CRADD: variants seen among roughly 807,000 people sequenced by gnomAD.
CRADD encodes the protein death domain-containing protein CRADD.
In CRADD, 9 loss-of-function variants were observed where a neutral mutation model predicts 15.5. The observed-to-expected ratio is 0.58, with a 90% confidence interval of 0.35 to 1.01. The LOEUF is 1.01. CRADD is among the 50% of genes least tolerant of loss of function. CRADD has a pLI of 0.02. For missense variants in CRADD, 227 were observed against 250.3 expected, an observed-to-expected ratio of 0.91 and a Z score of 0.63; for synonymous variants, 118 against 107.6, an observed-to-expected ratio of 1.10 and a Z score of -0.60.
intron 2 of CRADD, among the ~76,000 whole-genome samples, chr12:93,822,448 A>G (rs1360337246): frequency 1.3e-5 from 2 of 152,194 alleles, no homozygotes; most frequent in Non-Finnish European, 2.9e-5. Flanking sequence ...TTTGTACCAC[A>G]GTGAATTGTT....
chr12:93,870,063 G>A (rs1565944786), intron 2 of CRADD, among the ~76,000 whole-genome samples: 3 of 152,058 alleles, frequency 2.0e-5, no homozygotes, highest in Admixed American at 1.3e-4. Context: ...CATTTAATAC[G>A]TGGAAATAAA....
intron 2 of CRADD, among the ~76,000 whole-genome samples, chr12:93,788,068 G>C (rs10859584): frequency 1.3e-5 from 2 of 152,034 alleles, no homozygotes; most frequent in African/African-American, 4.8e-5. Flanking sequence ...ATGTGTGTAC[G>C]CTCTGGAGGA....
chr12:93,822,654 C>A (rs149174354), intron 2 of CRADD, among the ~76,000 whole-genome samples: 61 of 152,228 alleles, frequency 4.0e-4, no homozygotes, highest in African/African-American at 1.3e-3. Context: ...ATGCAGTCAC[C>A]TTTTGGGTTT....
intron 2 of CRADD, among the ~76,000 whole-genome samples, chr12:93,734,353 G>T (rs952975765): frequency 2.6e-5 from 4 of 152,062 alleles, no homozygotes; most frequent in African/African-American, 4.8e-5. Flanking sequence ...ATTTTCATTT[G>T]CTAGATGAGG....
chr12:93,706,948 T>C (rs1023088480), intron 2 of CRADD, among the ~76,000 whole-genome samples: 1 of 152,230 alleles, frequency 6.6e-6, no homozygotes, highest in Non-Finnish European at 1.5e-5. Context: ...TATGTATAAT[T>C]TGGCCAATAG....
intron 2 of CRADD, among the ~76,000 whole-genome samples, chr12:93,796,585 C>T (rs965899453): frequency 9.8e-5 from 13 of 132,314 alleles, no homozygotes; most frequent in African/African-American, 3.4e-4. Context: ...AGCAGGGTGA[C>T]GAGCAAAACG....
chr12:93,754,418 C>A (rs1379444087), intron 2 of CRADD, among the ~76,000 whole-genome samples: 1 of 152,246 alleles, frequency 6.6e-6, no homozygotes, highest in Non-Finnish European at 1.5e-5. Context: ...ACTTGAATTT[C>A]TCCCAAGAAT....
intron 2 of CRADD, among the ~76,000 whole-genome samples, chr12:93,810,811 A>G (rs1368162757): frequency 6.6e-6 from 1 of 152,138 alleles, no homozygotes. Context: ...CTTTCAACCT[A>G]TGCTATACAT....
At chr12:93,740,670 A>G (rs1168588877) in intron 2 of CRADD, among the ~76,000 whole-genome samples, 1 of 152,214 alleles carries the variant, frequency 6.6e-6, no homozygotes, top group African/African-American at 2.4e-5. Context: ...GATCATTCAG[A>G]ATCATTTTGA....
At chr12:93,686,951 G>A (rs895368778) in intron 2 of CRADD, among the ~76,000 whole-genome samples, 2 of 151,288 alleles carry the variant, frequency 1.3e-5, no homozygotes, top group Non-Finnish European at 2.9e-5. Context: ...GAATTTCCAA[G>A]GGCCTTTAGA....
At chr12:93,840,986 C>A (rs1205774852) in intron 2 of CRADD, among the ~76,000 whole-genome samples, 1 of 152,010 alleles carries the variant, frequency 6.6e-6, no homozygotes, top group African/African-American at 2.4e-5. Flanking sequence ...CAATCTTAAC[C>A]AAATTAAGAA....
intron 2 of CRADD, among the ~76,000 whole-genome samples, chr12:93,761,711 C>T (rs1449231566): frequency 6.6e-6 from 1 of 152,172 alleles, no homozygotes; most frequent in Non-Finnish European, 1.5e-5. Context: ...TATGGACTCT[C>T]TGCCTTATTT....
chr12:93,770,633 C>T (rs1422030858), intron 2 of CRADD, among the ~76,000 whole-genome samples: 2 of 152,210 alleles, frequency 1.3e-5, no homozygotes. Context: ...ATGGGTCCAG[C>T]TGTGGACTCC....
chr12:93,884,361 A>G (rs983580299), intron 2 of CRADD, among the ~76,000 whole-genome samples: 1 of 152,216 alleles, frequency 6.6e-6, no homozygotes, highest in African/African-American at 2.4e-5. Context: ...AGGAAAGATA[A>G]CAAAATTGAT....
At chr12:93,743,050 TA>T (rs34841022) in intron 2 of CRADD, among the ~76,000 whole-genome samples, 1 of 152,234 alleles carries the variant, frequency 6.6e-6, no homozygotes, top group Admixed American at 6.5e-5. Context: ...TAGGAACTTG[TA>T]ATGCTAATAA....
intron 2 of CRADD, among the ~76,000 whole-genome samples, chr12:93,760,779 A>C (rs1261975090): frequency 6.6e-6 from 1 of 151,554 alleles, no homozygotes; most frequent in Non-Finnish European, 1.5e-5. Context: ...GAATCGCCTT[A>C]CTCTTCAGGT....
At chr12:93,724,033 T>C (rs150627101) in intron 2 of CRADD, among the ~76,000 whole-genome samples, 161 of 152,250 alleles carry the variant, frequency 1.1e-3, no homozygotes, top group African/African-American at 3.8e-3. Flanking sequence ...TATTTCAAAA[T>C]GGTTCCTTTT....
At chr12:93,725,168 T>C (rs1956336125) in intron 2 of CRADD, among the ~76,000 whole-genome samples, 1 of 152,204 alleles carries the variant, frequency 6.6e-6, no homozygotes, top group South Asian at 2.1e-4. Context: ...CCCAGACTTA[T>C]TATTTTTTAT....
intron 2 of CRADD, among the ~76,000 whole-genome samples, chr12:93,881,303 G>T (rs927671205): frequency 6.6e-6 from 1 of 152,072 alleles, no homozygotes; most frequent in African/African-American, 2.4e-5. Context: ...TTGTTTGTTT[G>T]TTTGTTTGGC....
Sources: allele counts gnomAD v4.1 joint callset (sites outside exome capture counted in the v4.1 genomes callset), GRCh38; gene constraint gnomAD v4.1.1; transcripts MANE v1.5; gene names NCBI Gene and HGNC (gene_info 2026-07-23, HGNC 2026-07-21).